Variants in CACNA1G observed in about 807,000 individuals in gnomAD.
CACNA1G encodes the protein calcium voltage-gated channel subunit alpha1 G.
A neutral mutation model predicts 219.4 loss-of-function variants in CACNA1G; 67 were observed. The ratio of observed to expected loss-of-function variants is 0.31; its 90% CI spans 0.25 to 0.37. The LOEUF (loss-of-function observed/expected upper bound fraction) is 0.37, where lower values mean the gene tolerates loss of function less well. CACNA1G is among the 10% of genes least tolerant of loss of function. CACNA1G has a pLI of 1.00. For synonymous variants in CACNA1G, 1,296 were observed against 1,345.3 expected (o/e 0.96, Z 0.80); for missense variants, 2,380 against 3,231.4 (o/e 0.74, Z 6.39).
At chr17:50,606,800 G>C (rs1307800432) in intron 23 of CACNA1G, 100 bp from the exon 24 acceptor site, 1 of 795,272 alleles carries the variant, frequency 1.3e-6, no homozygotes, top group South Asian at 1.5e-5. Context: ...AAGGGCTGGG[G>C]TACTTGGAGC....
At position 50,583,382 on chromosome 17, in the gene CACNA1G, C is replaced by G. The variant is rs1380454274; in HGVS notation, c.2301+4818C>G. Among the ~76,000 whole-genome samples, 9 of 152,282 alleles carry G rather than the reference C, an allele frequency of 5.9e-5. No homozygotes were observed. The East Asian group carries it at 1.7e-3, about 29-fold the overall frequency. Reference sequence around the variant, plus strand: ...CCCCTGGCTCCAGGCTCTCCCAGTTCTGCAAACAAGGGGAGCATATCCTGT... The same window carrying G: ...CCCCTGGCTCCAGGCTCTCCCAGTTGTGCAAACAAGGGGAGCATATCCTGT... On this transcript the variant is annotated intron_variant, in intron 9 of 37. Coordinates refer to ENST00000359106, the MANE Select transcript of CACNA1G (RefSeq NM_018896.5).
chr17:50,568,968 G>A lies in CACNA1G; in HGVS notation c.341G>A (p.Cys114Tyr). ...GACATCGCCTGTGACTCCCAGCGCTGCCGGATCCTGCAGGTGAGTGTGTGT... is the reference window on the plus strand; with the variant it reads ...GACATCGCCTGTGACTCCCAGCGCTACCGGATCCTGCAGGTGAGTGTGTGT... ...CEDIACDSQR[C>Y]RILQAFDDFI... Residue 114 changes from cysteine to tyrosine, a missense_variant, in exon 2 of 38, where the codon TGC (cysteine) becomes TAC (tyrosine). By Grantham distance (194) the Cys-to-Tyr change is radical. Around this residue, in one of 17 missense-constraint regions of CACNA1G, gnomAD observed 64 missense variants for 103.7 expected, o/e 0.62. Transcript: ENST00000359106. The A allele has an allele frequency of 6.2e-7, 1 of 1,607,818 alleles. No individual in the cohort carries two copies.
chr17:50,615,330 G>A (rs755422640), intron 26 of CACNA1G, 31 bp from the exon 27 acceptor site: 15 of 1,544,862 alleles, frequency 9.7e-6, no homozygotes, highest in Non-Finnish European at 1.1e-5. Flanking sequence ...GGGGCCTGAC[G>A]CTTGCTCTGC....
At chr17:50,613,901 C>T (rs1418608153) in intron 26 of CACNA1G, among the ~76,000 whole-genome samples, 1 of 152,160 alleles carries the variant, frequency 6.6e-6, no homozygotes, top group Non-Finnish European at 1.5e-5. Context: ...GCTCTCCAGC[C>T]CCACACTCTT....
rs757333296 is a variant in CACNA1G at position 50,616,338 on chromosome 17, G to A, written c.4975G>A (p.Val1659Ile). The A allele has an allele frequency of 1.2e-6, 2 of 1,613,728 alleles. No homozygotes were observed. The highest frequency in any genetic ancestry group is 2.7e-5 in the African/African-American group (2 of 74,938). Residue 1659 changes from valine (V) to isoleucine (I), a missense_variant, in exon 28 of 38, where the codon GTT becomes ATT. Coordinates refer to ENST00000359106, the MANE Select transcript of CACNA1G (RefSeq NM_018896.5). ...CACTGTCATCTTTGTCTTGGAGTCA[G>A]TTTTCAAACTTGTGGCCTTTGGTTT... The part of the protein sequence containing the change: ...IFTVIFVLES[V>I]FKLVAFGFRR...
chr17:50,616,463 A>T, intron 28 of CACNA1G, 79 bp downstream of exon 28: 1 of 860,234 alleles, frequency 1.2e-6, no homozygotes, highest in East Asian at 2.5e-5. Flanking sequence ...ACCCAGGAAG[A>T]CCTAGTGTCT....
In CACNA1G at chr17:50,573,013, C is replaced by A. The variant is rs767058346; in HGVS notation, c.1048-8C>A. ...CCCATAGTCAGCCTGCCCCTCTGCACCCCCTAGGTCATCACGCTGGAGGGC... is the reference window on the plus strand; with the variant it reads ...CCCATAGTCAGCCTGCCCCTCTGCAACCCCTAGGTCATCACGCTGGAGGGC... On this transcript the variant is annotated splice_region_variant and splice_polypyrimidine_tract_variant and intron_variant, in intron 6 of 37. Transcript: ENST00000359106. 20 of 1,575,658 alleles carry A rather than the reference C, an allele frequency of 1.3e-5. No homozygotes were observed. The highest frequency in any genetic ancestry group is 3.7e-5 in the Admixed American group (2 of 53,940).
Position 50,591,629 on chromosome 17 carries a change from G to A in CACNA1G, c.2639+9G>A, listed in dbSNP as rs560123327. On this transcript the variant is annotated intron_variant, in intron 11 of 37. Coordinates refer to ENST00000359106, the MANE Select transcript of CACNA1G (RefSeq NM_018896.5). The stretch of plus-strand genomic sequence containing the variant: ...TTCATCTTCATCTTCAGGTGAGGGC[G>A]GCATGGCACCTTGCCGGCTGAGAGA... 18 of 1,612,194 alleles carry A rather than the reference G, an allele frequency of 1.1e-5. No individual in the cohort carries two copies. The East Asian group carries it at 1.6e-4, about 14-fold the overall frequency.
intron 26 of CACNA1G, 105 bp from the exon 27 acceptor site, chr17:50,615,256 T>C: frequency 1.7e-6 from 2 of 1,155,396 alleles, no homozygotes; most frequent in Non-Finnish European, 2.3e-6. Context: ...TTATGGAATG[T>C]TTCAGTTCTG....
chr17:50,581,561 A>G (rs2041972143), intron 9 of CACNA1G, among the ~76,000 whole-genome samples: 2 of 151,440 alleles, frequency 1.3e-5, no homozygotes, highest in Admixed American at 1.3e-4. Context: ...GCGCTACCCC[A>G]CCATCCTCCT....
intron 16 of CACNA1G, among the ~76,000 whole-genome samples, chr17:50,597,511 CA>C (rs1313009671): frequency 6.6e-6 from 1 of 152,114 alleles, no homozygotes; most frequent in Non-Finnish European, 1.5e-5. Context: ...TTTTAATTGA[CA>C]AATACTAATT....
chr17:50,615,867 G>T (rs1297139781), intron 27 of CACNA1G, among the ~76,000 whole-genome samples: 1 of 152,216 alleles, frequency 6.6e-6, no homozygotes, highest in East Asian at 1.9e-4. Flanking sequence ...CGAACGTCCA[G>T]CTCCAGAGCT....
In CACNA1G at chr17:50,605,886, A is replaced by G. The variant is rs1567711062; in HGVS notation, c.4297-12A>G. 1 of 1,612,970 alleles carries G rather than the reference A, an allele frequency of 6.2e-7. No homozygotes were observed. The highest frequency in any genetic ancestry group is 2.2e-5 in the East Asian group (1 of 44,884). On this transcript the variant is annotated splice_polypyrimidine_tract_variant and intron_variant, in intron 22 of 37. Transcript: ENST00000359106. ...AGCTCACTTTTCTCTGTCTCTGGGA[A>G]TGTGTGTCCAGCTCTTCAAAGGGAA...
chr17:50,561,736 C>G (rs2035654907), intron 1 of CACNA1G, 35 bp downstream of exon 1: 1 of 1,501,238 alleles, frequency 6.7e-7, no homozygotes, highest in African/African-American at 1.4e-5. Flanking sequence ...GGCGCGGGGT[C>G]AGAAGGGGGA....
intron 19 of CACNA1G, among the ~76,000 whole-genome samples, chr17:50,602,289 G>A (rs1269329876): frequency 2.0e-5 from 3 of 152,300 alleles, no homozygotes; most frequent in African/African-American, 7.2e-5. Context: ...CCCAGGGAGG[G>A]ACTCAGTCCA....
rs1334364101 is a variant in CACNA1G at position 50,561,446 on chromosome 17, C to G, written c.-14C>G. ...CCCCTCTCCGGATCGCCCGGGGCCCCGGCTGGCCAGAGGATGGACGAGGAG... is the reference window on the plus strand; with the variant it reads ...CCCCTCTCCGGATCGCCCGGGGCCCGGGCTGGCCAGAGGATGGACGAGGAG... On this transcript the variant is annotated 5_prime_UTR_variant, in exon 1 of 38. Coordinates refer to ENST00000359106, the MANE Select transcript of CACNA1G (RefSeq NM_018896.5). The G allele has an allele frequency of 6.5e-7, 1 of 1,533,740 alleles. No homozygotes were observed. The highest frequency in any genetic ancestry group is 8.7e-7 in the Non-Finnish European group (1 of 1,146,480).
Position 50,568,386 on chromosome 17 carries a change from T to C in CACNA1G, c.243-484T>C, listed in dbSNP as rs116519933. ...CTACCCCAGATATTTCACAGGGCTG[T>C]TGTGAGCATCAACTGTGGCATTGTG... On this transcript the variant is annotated intron_variant, in intron 1 of 37. Transcript: ENST00000359106. Among the ~76,000 whole-genome samples, 699 of 152,324 alleles carry C rather than the reference T, an allele frequency of 4.6e-3. 3 individuals carry two copies. The highest frequency in any genetic ancestry group is 0.016 in the African/African-American group (663 of 41,582).
chr17:50,623,979 C>T lies in CACNA1G; in HGVS notation c.6133C>T (p.His2045Tyr). The T allele has an allele frequency of 6.2e-7, 1 of 1,613,358 alleles. No homozygotes were observed. Among genetic ancestry groups the T allele is most frequent in the Non-Finnish European group, 8.5e-7 (1 of 1,179,864 alleles). ...TVRKSGVSRTHSLPNDSYMCR... is the reference protein window; with the variant it reads ...TVRKSGVSRTYSLPNDSYMCR... The stretch of plus-strand genomic sequence containing the variant: ...GCGGAAGTCTGGGGTCAGCCGAACG[C>T]ACTCTCTGCCCAATGACAGCTACAT... Residue 2045 changes from histidine to tyrosine, a missense_variant, in exon 36 of 38, where the codon CAC becomes TAC. Physicochemically the swap from His to Tyr is moderately conservative, Grantham distance 83 (BLOSUM62 2). Around this residue, in one of 17 missense-constraint regions of CACNA1G, gnomAD observed 672 missense variants for 670.5 expected, o/e 1.00. Coordinates refer to ENST00000359106, the MANE Select transcript of CACNA1G (RefSeq NM_018896.5).
intron 9 of CACNA1G, among the ~76,000 whole-genome samples, chr17:50,585,848 G>A (rs2042891241): frequency 6.6e-6 from 1 of 152,198 alleles, no homozygotes; most frequent in South Asian, 2.1e-4. Flanking sequence ...CCCCTGTCCT[G>A]GGTGGGTGGG....
Sources: gnomAD v4.1 joint callset for allele counts (sites outside exome capture counted in the v4.1 genomes callset) on GRCh38, gnomAD v4.1.1 for gene constraint, gnomAD v4.1.1 regional missense constraint, MANE v1.5 for transcripts, NCBI Gene and HGNC (gene_info 2026-07-23, HGNC 2026-07-21) for gene names.